The following FBXL7 variants were observed in gnomAD, a reference collection of about 807,000 sequenced individuals.
The protein encoded by FBXL7 is F-box and leucine rich repeat protein 7.
Under a neutral mutation model 38.3 loss-of-function variants are expected in FBXL7, and 12 were observed. The ratio of observed to expected loss-of-function variants is 0.31; its 90% CI spans 0.20 to 0.51. The LOEUF is 0.51. FBXL7 is among the 20% of genes least tolerant of loss of function. FBXL7 has a pLI of 0.98. For missense variants in FBXL7, 567 were observed against 676.4 expected (o/e 0.84, Z 1.79); for synonymous variants, 297 against 300.9 (o/e 0.99, Z 0.13).
intron 1 of FBXL7, among the ~76,000 whole-genome samples, chr5:15,558,142 CAT>C (rs750240797): frequency 3.9e-5 from 6 of 151,944 alleles, no homozygotes; most frequent in East Asian, 1.9e-4. Flanking sequence ...GCTAGAATCA[CAT>C]GTTTTGTTAT....
intron 2 of FBXL7, among the ~76,000 whole-genome samples, chr5:15,764,045 T>G (rs1051506052): frequency 9.2e-5 from 14 of 152,228 alleles, no homozygotes; most frequent in African/African-American, 3.4e-4. Context: ...CTCTACAGTT[T>G]GGAGTTCTAA....
chr5:15,800,019 T>G (rs535460262), intron 2 of FBXL7, among the ~76,000 whole-genome samples: 1 of 152,208 alleles, frequency 6.6e-6, no homozygotes, highest in Non-Finnish European at 1.5e-5. Flanking sequence ...ACAGTGATTT[T>G]GGGAGGGGTT....
chr5:15,576,972 A>T (rs1003559407), intron 1 of FBXL7, among the ~76,000 whole-genome samples: 2 of 152,200 alleles, frequency 1.3e-5, no homozygotes, highest in African/African-American at 4.8e-5. Context: ...AAAGATTAAA[A>T]TTTTTTTAAA....
rs961066431 is a variant in FBXL7, at chr5:15,914,398, A to G, written c.128-13492A>G. On this transcript the variant is annotated intron_variant, in intron 2 of 3. Coordinates refer to ENST00000504595, the MANE Select transcript of FBXL7 (RefSeq NM_012304.5). ...AAGACTCCCTCTCAAAAAAAAAAAA[A>G]AAAAAAAGGAATGAGCAGGGATCTG... 3.3e-5 allele frequency among the ~76,000 whole-genome samples: 5 copies of G among 151,782 alleles called. No individual in the cohort carries two copies. In the East Asian group the frequency reaches 5.8e-4, roughly 18 times the overall value.
intron 1 of FBXL7, among the ~76,000 whole-genome samples, chr5:15,574,586 G>T (rs185761301): frequency 4.5e-4 from 69 of 152,236 alleles, no homozygotes; most frequent in African/African-American, 1.6e-3. Flanking sequence ...TTATTCATGG[G>T]TATACTGGAC....
At chr5:15,918,922 CAACTAATGCCTT>C (rs1182977256) in intron 2 of FBXL7, among the ~76,000 whole-genome samples, 1 of 152,238 alleles carries the variant, frequency 6.6e-6, no homozygotes, top group Non-Finnish European at 1.5e-5. Context: ...TACTTTATCA[CAACTAATGCCTT>C]AAGTAGGTTC....
At chr5:15,861,415 G>A (rs1038316271) in intron 2 of FBXL7, among the ~76,000 whole-genome samples, 1 of 152,186 alleles carries the variant, frequency 6.6e-6, no homozygotes, top group African/African-American at 2.4e-5. Flanking sequence ...TGTGGTTGAA[G>A]GCAAAAGGCA....
intron 2 of FBXL7, among the ~76,000 whole-genome samples, chr5:15,769,351 G>A (rs562979020): frequency 1.3e-5 from 2 of 152,324 alleles, no homozygotes; most frequent in African/African-American, 4.8e-5. Flanking sequence ...GAGTGTGTGT[G>A]TTGTGGGCAG....
At chr5:15,558,387 TTC>T (rs1205638984) in intron 1 of FBXL7, among the ~76,000 whole-genome samples, 2 of 152,222 alleles carry the variant, frequency 1.3e-5, no homozygotes, top group Non-Finnish European at 2.9e-5. Context: ...CAAGCCCAAT[TTC>T]TCTTTCAAAC....
chr5:15,687,942 G>A (rs11951416), intron 2 of FBXL7, among the ~76,000 whole-genome samples: 103,518 of 152,026 alleles, frequency 0.68, 35,532 homozygotes, highest in South Asian at 0.79. Context: ...ACATCATGGT[G>A]GCCATGTTGC....
chr5:15,785,222 C>T (rs1295596909), intron 2 of FBXL7, among the ~76,000 whole-genome samples: 7 of 152,200 alleles, frequency 4.6e-5, no homozygotes, highest in African/African-American at 7.2e-5. Context: ...TCTGACCAAA[C>T]GGCTGTCGAG....
At chr5:15,880,178 C>A (rs2126326998) in intron 2 of FBXL7, among the ~76,000 whole-genome samples, 1 of 152,310 alleles carries the variant, frequency 6.6e-6, no homozygotes, top group East Asian at 1.9e-4. Context: ...GCTGCCTCTA[C>A]CATTTACTGG....
At chr5:15,717,455 AT>A (rs1232360044) in intron 2 of FBXL7, among the ~76,000 whole-genome samples, 1 of 152,214 alleles carries the variant, frequency 6.6e-6, no homozygotes, top group Non-Finnish European at 1.5e-5. Flanking sequence ...CCTGTTTGAA[AT>A]TGTCTGTCTG....
intron 1 of FBXL7, among the ~76,000 whole-genome samples, chr5:15,545,438 C>G (rs1383928077): frequency 6.6e-6 from 1 of 152,208 alleles, no homozygotes; most frequent in Non-Finnish European, 1.5e-5. Flanking sequence ...ACAAGACAGA[C>G]AATCCCTTCT....
intron 1 of FBXL7, among the ~76,000 whole-genome samples, chr5:15,547,410 G>T (rs1322828310): frequency 6.6e-6 from 1 of 152,202 alleles, no homozygotes; most frequent in African/African-American, 2.4e-5. Flanking sequence ...AGGGACCAGT[G>T]TGCAGCAGTG....
intron 2 of FBXL7, among the ~76,000 whole-genome samples, chr5:15,716,815 G>T (rs1744053621): frequency 6.6e-6 from 1 of 152,102 alleles, no homozygotes; most frequent in Non-Finnish European, 1.5e-5. Flanking sequence ...TTAAGTTTGG[G>T]TATGTGACAT....
Position 15,734,482 on chromosome 5 carries a change from G to A in FBXL7, c.127+118410G>A, listed in dbSNP as rs925067251. Among the ~76,000 whole-genome samples the A allele has an allele frequency of 2.6e-4, 39 of 152,200 alleles. 1 individual carries two copies. Among genetic ancestry groups the A allele is most frequent in the Admixed American group, 2.5e-3 (38 of 15,282 alleles). ...GGATTATTGTAAGACATATAGGAGT[G>A]GTTGTTGTAAGTATCAAGTGGGGTA... On this transcript the variant is annotated intron_variant, in intron 2 of 3. Coordinates refer to ENST00000504595, the MANE Select transcript of FBXL7 (RefSeq NM_012304.5).
At chr5:15,543,930 C>T (rs1322871232) in intron 1 of FBXL7, among the ~76,000 whole-genome samples, 1 of 152,166 alleles carries the variant, frequency 6.6e-6, no homozygotes, top group African/African-American at 2.4e-5. Flanking sequence ...CAAGACTCAA[C>T]TCCGGAGGTG....
At chr5:15,551,539 C>T (rs971245134) in intron 1 of FBXL7, among the ~76,000 whole-genome samples, 7 of 152,182 alleles carry the variant, frequency 4.6e-5, no homozygotes, top group Non-Finnish European at 7.3e-5. Context: ...CAGTCCCTGG[C>T]GTCTCGCAGT....
Sources: allele counts gnomAD v4.1 joint callset (sites outside exome capture counted in the v4.1 genomes callset), GRCh38; gene constraint gnomAD v4.1.1; transcripts MANE v1.5; gene names NCBI Gene and HGNC (gene_info 2026-07-23, HGNC 2026-07-21).